Variants in INSL6 observed in about 807,000 individuals in gnomAD.
INSL6 encodes insulin-like peptide INSL6.
In INSL6, 16 loss-of-function variants were observed where a neutral mutation model predicts 9.4. The ratio of observed to expected loss-of-function variants is 1.70; its 90% confidence interval spans 1.15 to 2.59. The LOEUF is 2.59. Ranked by LOEUF, INSL6 falls within the 30% of genes most tolerant of loss-of-function variation. INSL6 has a pLI of 0.00. For missense variants in INSL6, 391 were observed against 257.3 expected (o/e 1.52, Z -3.56); for synonymous variants, 154 against 96.9 (o/e 1.59, Z -3.46).
downstream of INSL6, among the ~76,000 whole-genome samples, chr9:5,121,505 C>T (rs1368942432): frequency 2.6e-5 from 4 of 152,114 alleles, no homozygotes; most frequent in Non-Finnish European, 5.9e-5. Flanking sequence ...TGGAAGGAGG[C>T]TCCTGCTGAA....
At chr9:5,057,512 C>G in the INSL6 span, among the ~76,000 whole-genome samples, 1 of 151,266 alleles carries the variant, frequency 6.6e-6, no homozygotes, top group African/African-American at 2.4e-5. Context: ...AAATTGAAGT[C>G]TACACCCATT....
the INSL6 span, among the ~76,000 whole-genome samples, chr9:5,005,550 G>C: frequency 1.3e-5 from 2 of 151,984 alleles, no homozygotes; most frequent in African/African-American, 4.8e-5. Flanking sequence ...AGTGTTATTG[G>C]ATTTAATTTG....
the INSL6 span, among the ~76,000 whole-genome samples, chr9:4,994,073 T>C: frequency 6.6e-6 from 1 of 152,304 alleles, no homozygotes; most frequent in African/African-American, 2.4e-5. Context: ...GGGTTAATAA[T>C]TATCCTACTT....
chr9:5,146,610 G>A (rs1357038909), intron 2 of INSL6, among the ~76,000 whole-genome samples: 1 of 152,204 alleles, frequency 6.6e-6, no homozygotes, highest in Non-Finnish European at 1.5e-5. Flanking sequence ...AGCACTGGTG[G>A]GGGTGAGGCT....
chr9:5,081,576 C>G, the INSL6 span: 2 of 584,360 alleles, frequency 3.4e-6, no homozygotes, highest in East Asian at 2.8e-5. Flanking sequence ...ATTAAAGGCT[C>G]CCATTAATAT....
the INSL6 span, among the ~76,000 whole-genome samples, chr9:5,047,902 G>A: frequency 6.6e-6 from 1 of 151,978 alleles, no homozygotes; most frequent in African/African-American, 2.4e-5. Flanking sequence ...CACCTGGCCT[G>A]AAATTTTTCA....
chr9:5,182,054 T>C (rs1825467568), intron 1 of INSL6, among the ~76,000 whole-genome samples: 1 of 152,146 alleles, frequency 6.6e-6, no homozygotes, highest in African/African-American at 2.4e-5. Flanking sequence ...GACACAGCAA[T>C]TCCACTCTAG....
At chr9:5,180,089 G>A (rs926131982) in intron 1 of INSL6, among the ~76,000 whole-genome samples, 8 of 152,192 alleles carry the variant, frequency 5.3e-5, no homozygotes, top group African/African-American at 9.7e-5. Context: ...CGGAGGGACC[G>A]GCTGGAGCCA....
the INSL6 span, among the ~76,000 whole-genome samples, chr9:4,998,999 G>A: frequency 6.8e-4 from 101 of 149,176 alleles, no homozygotes; most frequent in African/African-American, 2.4e-3. Flanking sequence ...TTTTTTTTTT[G>A]TATTTTCAGT....
the INSL6 span, among the ~76,000 whole-genome samples, chr9:5,082,292 CAT>C: frequency 3.0e-4 from 45 of 152,286 alleles, no homozygotes; most frequent in African/African-American, 1.0e-3. Flanking sequence ...AGCAAGAAAA[CAT>C]GTGAGGAAAG....
the INSL6 span, among the ~76,000 whole-genome samples, chr9:4,996,606 T>A: frequency 6.6e-6 from 1 of 151,990 alleles, no homozygotes; most frequent in Non-Finnish European, 1.5e-5. Flanking sequence ...TGAAATATAG[T>A]TTTCATTGCA....
chr9:5,104,982 C>T, the INSL6 span, among the ~76,000 whole-genome samples: 1 of 152,310 alleles, frequency 6.6e-6, no homozygotes, highest in East Asian at 1.9e-4. Context: ...GGAAGCATTC[C>T]CTTTGAAAAC....
the INSL6 span, among the ~76,000 whole-genome samples, chr9:5,051,261 A>G: frequency 6.6e-6 from 1 of 152,334 alleles, no homozygotes; most frequent in Admixed American, 6.5e-5. Context: ...GGTATTAAAT[A>G]TCTATTATTT....
At chr9:5,103,007 T>TAACA in the INSL6 span, among the ~76,000 whole-genome samples, 1 of 151,864 alleles carries the variant, frequency 6.6e-6, no homozygotes, top group Non-Finnish European at 1.5e-5. Flanking sequence ...AATAACCAGC[T>TAACA]AACATCATAA....
the INSL6 span, among the ~76,000 whole-genome samples, chr9:5,056,928 A>G: frequency 6.6e-6 from 1 of 152,212 alleles, no homozygotes; most frequent in Non-Finnish European, 1.5e-5. Context: ...ACTCAAATGC[A>G]TGCTTTGAAA....
At position 5,130,726 on chromosome 9, in the gene INSL6, A is replaced by T. The variant is rs796686846; in HGVS notation, c.*10+2699T>A. On this transcript the variant is annotated intron_variant, in intron 3 of 3. Coordinates refer to the INSL6 transcript ENST00000649639. ...CTTTTTTTTATTTTTTTTATTTTTT[A>T]TTTTTTTTTTTATTTTTTTTGAGAC... Among the ~76,000 whole-genome samples, 890 of 145,398 alleles carry T rather than the reference A, an allele frequency of 6.1e-3. 6 individuals are homozygous for T. Among genetic ancestry groups the T allele is most frequent in the African/African-American group, 0.021 (821 of 39,518 alleles).
chr9:5,126,805 C>G lies in INSL6; in HGVS notation c.*11-2294G>C. Reference sequence around the variant, plus strand: ...ATGGCTGGATGAAAGAAATGACCTTCATTCTGAGACCAAAGTAGATTTACA... The same window carrying G: ...ATGGCTGGATGAAAGAAATGACCTTGATTCTGAGACCAAAGTAGATTTACA... On this transcript the variant is annotated intron_variant, in intron 3 of 3. Transcript: ENST00000649639. The G allele has an allele frequency of 2.0e-6, 3 of 1,491,554 alleles. No homozygotes were observed. In the South Asian group the frequency reaches 3.4e-5, roughly 17 times the overall value. 92.4% of individuals were successfully genotyped at this position (1,491,554 alleles called of 1,614,324 possible).
chr9:5,012,354 A>G, the INSL6 span, among the ~76,000 whole-genome samples: 3 of 152,128 alleles, frequency 2.0e-5, no homozygotes, highest in Non-Finnish European at 2.9e-5. Context: ...AATGCCTTCA[A>G]ATGGTGTTTT....
the INSL6 span, among the ~76,000 whole-genome samples, chr9:5,038,286 G>T: frequency 6.6e-6 from 1 of 152,104 alleles, no homozygotes; most frequent in Non-Finnish European, 1.5e-5. Flanking sequence ...GACAAATAAA[G>T]AAATCAAATT....
Sources: allele counts gnomAD v4.1 joint callset (sites outside exome capture counted in the v4.1 genomes callset), GRCh38; gene constraint gnomAD v4.1.1; transcripts MANE v1.5; gene names NCBI Gene and HGNC (gene_info 2026-07-23, HGNC 2026-07-21).